The following ARID4A variants were observed in gnomAD, a reference collection of about 807,000 sequenced individuals.
The protein encoded by ARID4A is AT-rich interaction domain 4A, also known as AT-rich interactive domain-containing protein 4A.
Under a neutral mutation model 148.6 loss-of-function variants are expected in ARID4A, and 39 were observed. That is an observed-to-expected ratio of 0.26 (90% CI 0.20 to 0.34). The LOEUF (loss-of-function observed/expected upper bound fraction) is 0.34, where lower values mean the gene tolerates loss of function less well. Ranked by LOEUF, ARID4A falls within the 10% of genes least tolerant of loss-of-function variation. The probability of loss-of-function intolerance (pLI) is 1.00; values close to 1 mark genes in which losing one functional copy is unlikely to be tolerated. For synonymous variants in ARID4A, 475 were observed against 481.2 expected, an observed-to-expected ratio of 0.99 and a Z score of 0.17; for missense variants, 1,265 against 1,449.1, an observed-to-expected ratio of 0.87 and a Z score of 2.06.
rs1462277413 is a variant in ARID4A, at chr14:58,317,063, T to G, written c.275-1479T>G. Among the ~76,000 whole-genome samples the G allele has an allele frequency of 6.7e-5, 10 of 149,316 alleles. No individual in the cohort carries two copies. In the East Asian group the frequency reaches 1.1e-3, roughly 16 times the overall value. ...AAAATATTAGCCGGGCGTGGTGACG[T>G]GTGCCTGTAGTCCCAGCTACTGGGG... On this transcript the variant is annotated intron_variant, in intron 5 of 23. Transcript: ENST00000355431.
intron 17 of ARID4A, 94 bp downstream of exon 17, chr14:58,353,949 T>A: frequency 9.0e-7 from 1 of 1,105,096 alleles, no homozygotes; most frequent in Non-Finnish European, 1.3e-6. Flanking sequence ...CAAATAATGG[T>A]ACATATTTAC....
At chr14:58,342,492 TTTGCAA>T (rs2034161761) in intron 11 of ARID4A, among the ~76,000 whole-genome samples, 1 of 152,230 alleles carries the variant, frequency 6.6e-6, no homozygotes, top group East Asian at 1.9e-4. Flanking sequence ...TACAACCTAA[TTTGCAA>T]TTGATGAGTT....
At chr14:58,365,489 T>TTC (rs1555365974) in intron 20 of ARID4A, 29 bp from the exon 21 acceptor site, 30 of 985,818 alleles carry the variant, frequency 3.0e-5, no homozygotes, top group East Asian at 1.9e-4. Context: ...TTTTTTTTTT[T>TTC]CAACATTCTC....
At chr14:58,364,079 A>G in intron 19 of ARID4A, 91 bp from the exon 20 acceptor site, 5 of 680,360 alleles carry the variant, frequency 7.3e-6, no homozygotes, top group Non-Finnish European at 1.1e-5. Flanking sequence ...ATGATTAAAG[A>G]TTTTTATTGT....
rs536308748 is a variant in ARID4A at position 58,366,874 on chromosome 14, C to G, written c.3524-9C>G. The G allele has an allele frequency of 2.7e-6, 4 of 1,487,766 alleles. No homozygotes were observed. In the East Asian group the frequency reaches 1.1e-4, roughly 40 times the overall value. The allele number at this position is 1,487,766 out of a possible 1,614,324, so 92.2% of individuals were successfully genotyped here. A position where few individuals can be genotyped will look rare whatever the true frequency, so the allele number is the denominator to read the frequency against. On this transcript the variant is annotated splice_polypyrimidine_tract_variant and intron_variant, in intron 22 of 23. Coordinates refer to ENST00000355431, the MANE Select transcript of ARID4A (RefSeq NM_002892.4). ...TAAAATCCAAATTAACTTCTTTCCC[C>G]CCTTTTAGATGAATTAGATAATATG...
Position 58,353,663 on chromosome 14 carries a change from A to G in ARID4A, c.1661A>G (p.Glu554Gly), listed in dbSNP as rs1254632988. 6.2e-7 allele frequency: 1 copy of G among 1,613,864 alleles called. No individual in the cohort carries two copies. The highest frequency in any genetic ancestry group is 1.7e-5 in the Admixed American group (1 of 60,002). ...AGTATTATAACTTACTGCAGGGAAGAAACTGAAAGCAAATGTGACTCTGAA... is the reference window on the plus strand; with the variant it reads ...AGTATTATAACTTACTGCAGGGAAGGAACTGAAAGCAAATGTGACTCTGAA... ...EEEEKSQERE[E>G]TESKCDSEGE... Residue 554 changes from glutamate (E) to glycine (G), a missense_variant, in exon 17 of 24, where the codon GAA becomes GGA. By Grantham distance (98) the Glu-to-Gly change is moderately conservative. Coordinates refer to ENST00000355431, the MANE Select transcript of ARID4A (RefSeq NM_002892.4).
intron 8 of ARID4A, among the ~76,000 whole-genome samples, chr14:58,325,830 ATAT>A (rs1566685241): frequency 6.6e-6 from 1 of 152,088 alleles, no homozygotes; most frequent in Non-Finnish European, 1.5e-5. Context: ...TGGATTCAGA[ATAT>A]TCAGATTGTA....
chr14:58,332,509 T>C (rs1391383404), intron 11 of ARID4A, among the ~76,000 whole-genome samples: 1 of 152,160 alleles, frequency 6.6e-6, no homozygotes, highest in Non-Finnish European at 1.5e-5. Flanking sequence ...ATCAGCTGCA[T>C]TTCTTGCTCT....
chr14:58,359,088 T>TATAA (rs1020007455), intron 17 of ARID4A, 44 bp from the exon 18 acceptor site: 2 of 1,534,512 alleles, frequency 1.3e-6, no homozygotes, highest in African/African-American at 2.8e-5. Flanking sequence ...GGTTATAATG[T>TATAA]ATAAAGTTTG....
At chr14:58,362,899 T>C (rs1340651969) in intron 19 of ARID4A, among the ~76,000 whole-genome samples, 2 of 152,156 alleles carry the variant, frequency 1.3e-5, no homozygotes, top group Non-Finnish European at 2.9e-5. Flanking sequence ...TATAAAAATT[T>C]CTCTTCTTTC....
intron 17 of ARID4A, among the ~76,000 whole-genome samples, chr14:58,355,891 A>G (rs1489720478): frequency 1.3e-5 from 2 of 151,316 alleles, no homozygotes; most frequent in African/African-American, 4.9e-5. Context: ...TTACTTTATG[A>G]CTCTTCTCAG....
intron 17 of ARID4A, among the ~76,000 whole-genome samples, chr14:58,355,398 C>G (rs971509080): frequency 2.6e-5 from 4 of 152,130 alleles, no homozygotes; most frequent in Non-Finnish European, 4.4e-5. Flanking sequence ...ATGATTTTTC[C>G]TATACATACA....
At position 58,353,546 on chromosome 14, in the gene ARID4A, T is replaced by C. The variant is rs577143163; in HGVS notation, c.1656-112T>C. ...TCCTTCTTCTCCTCCTCCACTGATA[T>C]GTTATTAAGGTAATACTTAGGTTGT... On this transcript the variant is annotated intron_variant, in intron 16 of 23. Coordinates refer to ENST00000355431, the MANE Select transcript of ARID4A (RefSeq NM_002892.4). 85 of 879,752 alleles carry C rather than the reference T, an allele frequency of 9.7e-5. No individual in the cohort carries two copies. In the East Asian group the frequency reaches 1.2e-3, roughly 12 times the overall value. 54.5% of individuals were successfully genotyped at this position (879,752 alleles called of 1,614,324 possible). A position where few individuals can be genotyped will look rare whatever the true frequency, so the allele number is the denominator to read the frequency against.
At chr14:58,303,226 AATGT>A (rs1472828984) in intron 3 of ARID4A, among the ~76,000 whole-genome samples, 13 of 152,196 alleles carry the variant, frequency 8.5e-5, no homozygotes, top group African/African-American at 2.9e-4. Context: ...TGATACATAT[AATGT>A]ATGGTGATTA....
intron 11 of ARID4A, among the ~76,000 whole-genome samples, chr14:58,341,239 A>G (rs1426345735): frequency 6.6e-6 from 1 of 152,224 alleles, no homozygotes; most frequent in Non-Finnish European, 1.5e-5. Flanking sequence ...AATTTTAAAT[A>G]TACAAATCTG....
Position 58,359,128 on chromosome 14 carries a change from T to A in ARID4A, c.1854-4T>A, listed in dbSNP as rs1566718779. 9 of 1,551,418 alleles carry A rather than the reference T, an allele frequency of 5.8e-6. No homozygotes were observed. The highest frequency in any genetic ancestry group is 2.2e-5 in the Admixed American group (1 of 44,758). ...AACTCTTTTTTTTTTTTTTTTTTTT[T>A]AAGGTATGATGAGTGGGTGAAGGCT... On this transcript the variant is annotated splice_region_variant and splice_polypyrimidine_tract_variant and intron_variant, in intron 17 of 23. Transcript: ENST00000355431.
At chr14:58,319,041 T>C (rs1284060275) in intron 7 of ARID4A, among the ~76,000 whole-genome samples, 2 of 151,972 alleles carry the variant, frequency 1.3e-5, no homozygotes, top group Admixed American at 1.3e-4. Context: ...TTTGCCGAAG[T>C]TTTTTTTGTT....
Position 58,304,951 on chromosome 14 carries a change from T to C in ARID4A, c.125T>C (p.Leu42Pro). 6.2e-7 allele frequency: 1 copy of C among 1,608,782 alleles called. No individual in the cohort carries two copies. The highest frequency in any genetic ancestry group is 8.5e-7 in the Non-Finnish European group (1 of 1,178,234). The change falls in exon 4 of 24, where the codon CTG (leucine) becomes CCG (proline). Residue 42 changes from leucine (L) to proline (P), a missense_variant. Transcript: ENST00000355431. ...VKRLVKVKVL[L>P]KQDNTTQLVQ... ...GTGCAAAATGTTTTTCAGGTACTCC[T>C]GAAACAGGATAATACCACACAATTG...
intron 11 of ARID4A, among the ~76,000 whole-genome samples, chr14:58,342,536 A>G (rs936867005): frequency 2.0e-5 from 3 of 152,192 alleles, no homozygotes; most frequent in African/African-American, 4.8e-5. Flanking sequence ...TTGGGGAGCA[A>G]CTTTGATTTT....
Sources: allele counts gnomAD v4.1 joint callset (sites outside exome capture counted in the v4.1 genomes callset), GRCh38; gene constraint gnomAD v4.1.1; transcripts MANE v1.5; gene names NCBI Gene and HGNC (gene_info 2026-07-23, HGNC 2026-07-21).